RBFOX1: variants seen among roughly 807,000 people sequenced by gnomAD.
The protein encoded by RBFOX1 is RNA binding fox-1 homolog 1.
Under a neutral mutation model 57.7 loss-of-function variants are expected in RBFOX1, and 8 were observed. The observed-to-expected ratio is 0.14, with a 90% confidence interval of 0.08 to 0.25. The LOEUF is 0.25. Among genes scored for constraint, RBFOX1 ranks in the 10% least tolerant of loss-of-function variants. RBFOX1 has a pLI of 1.00. For synonymous variants in RBFOX1, 326 were observed against 222.4 expected (o/e 1.47, Z -4.15); for missense variants, 611 against 548.5 (o/e 1.11, Z -1.14).
intron 4 of RBFOX1, among the ~76,000 whole-genome samples, chr16:5,966,448 C>T (rs1394110933): frequency 6.6e-6 from 1 of 152,098 alleles, no homozygotes; most frequent in East Asian, 1.9e-4. Flanking sequence ...AGATGCCACA[C>T]ACTTTTTTTT....
intron 3 of RBFOX1, among the ~76,000 whole-genome samples, chr16:5,656,996 C>T (rs1207666204): frequency 2.0e-5 from 3 of 152,080 alleles, no homozygotes; most frequent in Non-Finnish European, 4.4e-5. Context: ...GGGCTTAAAA[C>T]CTAGATGATG....
chr16:6,007,777 G>C (rs1158868712), intron 4 of RBFOX1, among the ~76,000 whole-genome samples: 6 of 152,184 alleles, frequency 3.9e-5, no homozygotes, highest in Non-Finnish European at 8.8e-5. Context: ...TTGAGCTGGA[G>C]ATATGGGTAT....
At chr16:7,031,779 A>G (rs995492273) in intron 3 of RBFOX1, among the ~76,000 whole-genome samples, 1 of 152,114 alleles carries the variant, frequency 6.6e-6, no homozygotes, top group Admixed American at 6.6e-5. Context: ...CACTGCAGAG[A>G]AGATGCAGAT....
At chr16:7,239,941 A>G (rs902147904) in intron 4 of RBFOX1, among the ~76,000 whole-genome samples, 1 of 152,162 alleles carries the variant, frequency 6.6e-6, no homozygotes, top group Non-Finnish European at 1.5e-5. Context: ...AAATTCCAAA[A>G]CTTCCTACCT....
intron 3 of RBFOX1, among the ~76,000 whole-genome samples, chr16:6,979,575 G>T (rs982573665): frequency 1.3e-5 from 2 of 152,148 alleles, no homozygotes; most frequent in South Asian, 2.1e-4. Flanking sequence ...GAGATAGCAG[G>T]ATTGCAGCAC....
intron 4 of RBFOX1, among the ~76,000 whole-genome samples, chr16:7,061,010 A>T (rs2054076996): frequency 7.1e-6 from 1 of 141,024 alleles, no homozygotes; most frequent in Non-Finnish European, 1.5e-5. Context: ...ATGAGATTTC[A>T]TGTATGTTCT....
chr16:5,580,684 T>C lies in RBFOX1; in HGVS notation c.259-18218T>C, dbSNP rs1305502637. On this transcript the variant is annotated intron_variant, in intron 2 of 2. Transcript: ENST00000585867. ...GGGGAGAGGATGCAAACGTTACCTTTCACGGCATCTCACACTGCCCTGCGT... is the reference window on the plus strand; with the variant it reads ...GGGGAGAGGATGCAAACGTTACCTTCCACGGCATCTCACACTGCCCTGCGT... 3.3e-5 allele frequency among the ~76,000 whole-genome samples: 5 copies of C among 152,318 alleles called. No homozygotes were observed. In the East Asian group the frequency reaches 9.7e-4, roughly 29 times the overall value.
At chr16:7,436,945 G>T (rs1398755859) in intron 4 of RBFOX1, among the ~76,000 whole-genome samples, 1 of 152,158 alleles carries the variant, frequency 6.6e-6, no homozygotes, top group East Asian at 1.9e-4. Flanking sequence ...GCTGGTCATG[G>T]TGATACGCGC....
intron 4 of RBFOX1, among the ~76,000 whole-genome samples, chr16:7,393,657 G>A (rs116961047): frequency 6.6e-6 from 1 of 152,212 alleles, no homozygotes; most frequent in Non-Finnish European, 1.5e-5. Flanking sequence ...CTTGTAAGAA[G>A]ATCTGGATTA....
Position 5,954,020 on chromosome 16 carries a change from C to T in RBFOX1, c.351+86685C>T, listed in dbSNP as rs117836173. On this transcript the variant is annotated intron_variant, in intron 4 of 19. Transcript: ENST00000641259. ...ACCTTGGCTTGTCACCACTGGGTGGCGAGTGCCATCAGCATCTAGTGGGTA... is the reference window on the plus strand; with the variant it reads ...ACCTTGGCTTGTCACCACTGGGTGGTGAGTGCCATCAGCATCTAGTGGGTA... Among the ~76,000 whole-genome samples, 30 of 152,216 alleles carry T rather than the reference C, an allele frequency of 2.0e-4. 1 individual carries two copies. The East Asian group carries it at 4.8e-3, about 25-fold the overall frequency.
intron 1 of RBFOX1, among the ~76,000 whole-genome samples, chr16:5,308,804 C>G (rs1362807714): frequency 6.6e-6 from 1 of 151,718 alleles, no homozygotes; most frequent in African/African-American, 2.4e-5. Flanking sequence ...GTTTTCCTCT[C>G]TTGTGTCTTT....
intron 2 of RBFOX1, among the ~76,000 whole-genome samples, chr16:6,337,897 C>G (rs1009978907): frequency 2.0e-5 from 3 of 152,146 alleles, no homozygotes; most frequent in African/African-American, 4.8e-5. Flanking sequence ...TGGTCAATAT[C>G]AGGAAGGCAG....
chr16:7,258,587 G>C (rs2094791615), intron 4 of RBFOX1, among the ~76,000 whole-genome samples: 2 of 152,066 alleles, frequency 1.3e-5, no homozygotes, highest in African/African-American at 4.8e-5. Flanking sequence ...ATAAGTATGA[G>C]ATTCATATTA....
rs182131969 is a variant in RBFOX1, at chr16:5,896,850, A to G, written c.351+29515A>G. 8.3e-4 allele frequency among the ~76,000 whole-genome samples: 126 copies of G among 152,156 alleles called. No individual in the cohort carries two copies. The Middle Eastern group carries it at 0.02, about 25-fold the overall frequency. On this transcript the variant is annotated intron_variant, in intron 4 of 19. Transcript: ENST00000641259. The stretch of plus-strand genomic sequence containing the variant: ...CTGGTGAAGCATCAACAGCATCACT[A>G]TAGTTCCTAAACATCATATATTCAT...
intron 2 of RBFOX1, among the ~76,000 whole-genome samples, chr16:6,331,311 C>G (rs972133296): frequency 1.3e-5 from 2 of 151,916 alleles, no homozygotes; most frequent in African/African-American, 2.4e-5. Context: ...GCTAGGCATG[C>G]TGGTGCATGC....
intron 4 of RBFOX1, among the ~76,000 whole-genome samples, chr16:7,066,249 A>C (rs887969029): frequency 6.6e-6 from 1 of 152,196 alleles, no homozygotes; most frequent in Middle Eastern, 3.2e-3. Context: ...AATTGAACCC[A>C]GGTCTATATT....
intron 3 of RBFOX1, among the ~76,000 whole-genome samples, chr16:6,984,666 A>G (rs1187113667): frequency 6.6e-6 from 1 of 152,024 alleles, no homozygotes; most frequent in Non-Finnish European, 1.5e-5. Context: ...TTATTTTGAG[A>G]TGGAGTCTCT....
chr16:6,845,260 G>A (rs570017302), intron 3 of RBFOX1, among the ~76,000 whole-genome samples: 163 of 151,678 alleles, frequency 1.1e-3, no homozygotes, highest in Non-Finnish European at 1.9e-3. Flanking sequence ...CCGTACCTGT[G>A]TCCTGAATGG....
At chr16:6,440,993 G>T (rs928959892) in intron 2 of RBFOX1, among the ~76,000 whole-genome samples, 19 of 152,208 alleles carry the variant, frequency 1.2e-4, no homozygotes, top group Admixed American at 3.9e-4. Context: ...CTGAGGTGGA[G>T]TTGGAAGCAA....
Sources: allele counts gnomAD v4.1 joint callset (sites outside exome capture counted in the v4.1 genomes callset), GRCh38; gene constraint gnomAD v4.1.1; transcripts MANE v1.5; gene names NCBI Gene and HGNC (gene_info 2026-07-23, HGNC 2026-07-21).